The following ZNF577 variants were observed in gnomAD, a reference collection of about 807,000 sequenced individuals.
The protein encoded by ZNF577 is zinc finger protein 577.
In ZNF577, 14 loss-of-function variants were observed where a neutral mutation model predicts 13.9. The observed-to-expected ratio is 1.00, with a 90% confidence interval of 0.66 to 1.57. The LOEUF (loss-of-function observed/expected upper bound fraction) is 1.57. ZNF577 is among the 40% of genes most tolerant of loss of function. The pLI is 0.00. For synonymous variants in ZNF577, 203 were observed against 202.9 expected, an observed-to-expected ratio of 1.00 and a Z score of 0.00; for missense variants, 555 against 579.2, an observed-to-expected ratio of 0.96 and a Z score of 0.43.
downstream of ZNF577, among the ~76,000 whole-genome samples, chr19:51,864,180 T>C (rs1382474362): frequency 2.0e-5 from 3 of 152,228 alleles, no homozygotes; most frequent in African/African-American, 7.2e-5. Flanking sequence ...AGTACAGATT[T>C]GCTACATCAT....
At chr19:51,855,590 T>C (rs889150226) in intron 5 of ZNF577, among the ~76,000 whole-genome samples, 2 of 151,902 alleles carry the variant, frequency 1.3e-5, no homozygotes, top group Non-Finnish European at 2.9e-5. Context: ...TATTTAAGAG[T>C]TCCCTATTAA....
At chr19:51,806,132 A>G (rs1195518635) in intron 10 of ZNF577, among the ~76,000 whole-genome samples, 1 of 152,172 alleles carries the variant, frequency 6.6e-6, no homozygotes, top group Non-Finnish European at 1.5e-5. Flanking sequence ...TAACATTAAG[A>G]CTGTGTCGTG....
chr19:51,853,434 G>T (rs1384337500), intron 5 of ZNF577, among the ~76,000 whole-genome samples: 1 of 152,152 alleles, frequency 6.6e-6, no homozygotes, highest in East Asian at 1.9e-4. Context: ...CATGCAAAAA[G>T]GGCACTACCC....
At chr19:51,816,759 G>A (rs952412655) in intron 9 of ZNF577, among the ~76,000 whole-genome samples, 19 of 152,104 alleles carry the variant, frequency 1.2e-4, no homozygotes, top group East Asian at 3.9e-4. Flanking sequence ...TAACTTGTGC[G>A]ATCTGATGCT....
rs973544877 is a variant in ZNF577, at chr19:51,871,392, C to T, written c.*1140G>A. The stretch of plus-strand genomic sequence containing the variant: ...TTGGCCTCCCAAAGTGCTGAGATTA[C>T]AGGTGTGAGCCACTGTGCCTGGCCA... On this transcript the variant is annotated 3_prime_UTR_variant, in exon 6 of 6. Transcript: ENST00000638348. The T allele has an allele frequency of 6.6e-6, 1 of 151,738 alleles. No individual in the cohort carries two copies. The highest frequency in any genetic ancestry group is 2.4e-5 in the African/African-American group (1 of 41,294). The allele number at this position is 151,738 out of a possible 1,614,324, so 9.4% of individuals were successfully genotyped here. A position where few individuals can be genotyped will look rare whatever the true frequency, so the allele number is the denominator to read the frequency against.
Position 51,868,132 on chromosome 19 carries a change from T to C in ZNF577, c.*4400A>G, listed in dbSNP as rs867245213. On this transcript the variant is annotated 3_prime_UTR_variant, in exon 6 of 6. Transcript: ENST00000638348. ...GTTGTAGGTTTTTAAGTGTGTCAAA[T>C]TTCTTTATACATAAATCATCTTCCC... is the stretch of plus-strand genomic sequence containing the variant. 3.3e-5 allele frequency among the ~76,000 whole-genome samples: 5 copies of C among 152,212 alleles called. No homozygotes were observed. Among genetic ancestry groups the C allele is most frequent in the Admixed American group, 6.5e-5 (1 of 15,286 alleles).
chr19:51,883,153 C>T (rs1017400181), intron 1 of ZNF577, among the ~76,000 whole-genome samples: 14 of 151,914 alleles, frequency 9.2e-5, no homozygotes, highest in Middle Eastern at 3.2e-3. Flanking sequence ...CCACCACGCC[C>T]GGCTAATTTT....
At chr19:51,864,226 T>C (rs1255863378), downstream of ZNF577, among the ~76,000 whole-genome samples, 1 of 152,212 alleles carries the variant, frequency 6.6e-6, no homozygotes, top group Non-Finnish European at 1.5e-5. Flanking sequence ...GATCTTTCCA[T>C]CCTCCAACTA....
chr19:51,828,018 T>C (rs1412947581), intron 9 of ZNF577, among the ~76,000 whole-genome samples: 3 of 152,174 alleles, frequency 2.0e-5, no homozygotes, highest in Non-Finnish European at 4.4e-5. Context: ...ATAAATGCTT[T>C]AGAGTTCCCA....
chr19:51,870,951 TC>T lies in ZNF577; in HGVS notation c.*1580del, dbSNP rs1369988976. Among the ~76,000 whole-genome samples, 4 of 152,176 alleles carry T rather than the reference TC, an allele frequency of 2.6e-5. No individual in the cohort carries two copies. Among genetic ancestry groups the T allele is most frequent in the African/African-American group, 9.7e-5 (4 of 41,444 alleles). The stretch of plus-strand genomic sequence containing the variant: ...GAAGTTCATTCATATATTTTGTGCA[TC>T]TTTTTTAGATATTTAAGGCAGGAGA... On this transcript the variant is annotated 3_prime_UTR_variant, in exon 6 of 6. Coordinates refer to ENST00000638348, the MANE Select transcript of ZNF577 (RefSeq NM_001370449.1).
chr19:51,809,576 CT>C, intron 10 of ZNF577, among the ~76,000 whole-genome samples: 1 of 152,182 alleles, frequency 6.6e-6, no homozygotes, highest in Non-Finnish European at 1.5e-5. Context: ...ATTGTCCCAG[CT>C]CAAAACCCAA....
intron 10 of ZNF577, among the ~76,000 whole-genome samples, chr19:51,810,023 A>G (rs1246745286): frequency 2.0e-5 from 3 of 152,104 alleles, no homozygotes; most frequent in Admixed American, 2.0e-4. Context: ...AAGTCCTGGC[A>G]TTTTTTCCAC....
intron 9 of ZNF577, chr19:51,826,087 G>A (rs1021734435): frequency 6.3e-6 from 1 of 157,532 alleles, no homozygotes; most frequent in African/African-American, 2.4e-5. Flanking sequence ...ATATTAACGT[G>A]ATCATATTAT....
intron 4 of ZNF577, chr19:51,878,145 G>A (rs996811210): frequency 7.7e-6 from 2 of 258,630 alleles, no homozygotes; most frequent in African/African-American, 4.4e-5. Context: ...TGGGTACAGA[G>A]TTTCAGTTTT....
chr19:51,883,805 G>A (rs1396923378), intron 1 of ZNF577, among the ~76,000 whole-genome samples: 1 of 152,142 alleles, frequency 6.6e-6, no homozygotes, highest in African/African-American at 2.4e-5. Flanking sequence ...GGGCACAGTG[G>A]CTCACACCTG....
In ZNF577 at chr19:51,850,292, G is replaced by A. The variant is rs186819658; in HGVS notation, c.284-5361C>T. ...TATGATGGGGGCCCTTAGGCCATGC[G>A]GTATGAACTCCACCTGTGCAGACTA... On this transcript the variant is annotated intron_variant and NMD_transcript_variant, in intron 5 of 10. Transcript: ENST00000638827. Among the ~76,000 whole-genome samples, 23 of 152,266 alleles carry A rather than the reference G, an allele frequency of 1.5e-4. No homozygotes were observed. In the East Asian group the frequency reaches 3.5e-3, roughly 23 times the overall value.
rs149498855 is a variant in ZNF577, at chr19:51,873,553, T to C, written c.437A>G (p.Asn146Ser). ...TCCTGCACAAATTTTTTGTAGGTCA[T>C]TGAGCTGTGATTTAGGGCTGCTGGG... ...VKPSSPKSQL[N>S]DLQKICAGGK... is the part of the protein sequence containing the mutation. Residue 146 changes from asparagine to serine, a missense_variant, in exon 6 of 6, where the codon AAT becomes AGT. Coordinates refer to ENST00000638348, the MANE Select transcript of ZNF577 (RefSeq NM_001370449.1). The C allele has an allele frequency of 2.4e-5, 38 of 1,614,126 alleles. No individual in the cohort carries two copies. The East Asian group carries it at 6.7e-4, about 28-fold the overall frequency.
downstream of ZNF577, among the ~76,000 whole-genome samples, chr19:51,866,384 A>C (rs1341118858): frequency 6.6e-6 from 1 of 152,148 alleles, no homozygotes; most frequent in African/African-American, 2.4e-5. Context: ...AAAAAAGTAA[A>C]ATAAATACAT....
At chr19:51,857,969 T>C (rs1355537100) in intron 5 of ZNF577, among the ~76,000 whole-genome samples, 1 of 152,090 alleles carries the variant, frequency 6.6e-6, no homozygotes, top group African/African-American at 2.4e-5. Flanking sequence ...GTGCGGGCCA[T>C]TGTGTCTGGC....
Sources: allele counts gnomAD v4.1 joint callset (sites outside exome capture counted in the v4.1 genomes callset), GRCh38; gene constraint gnomAD v4.1.1; transcripts MANE v1.5; gene names NCBI Gene and HGNC (gene_info 2026-07-23, HGNC 2026-07-21).